The following CNBD2 variants were observed in gnomAD, a reference collection of about 807,000 sequenced individuals.
CNBD2 encodes the protein cyclic nucleotide binding domain containing 2.
A neutral mutation model predicts 63.7 loss-of-function variants in CNBD2; 64 were observed. The observed-to-expected ratio is 1.00, with a 90% CI of 0.82 to 1.24. The LOEUF is 1.24. Ranked by LOEUF, CNBD2 falls within the 50% of genes most tolerant of loss-of-function variation. The probability of loss-of-function intolerance (pLI) is 0.00; values close to 1 mark genes in which losing one functional copy is unlikely to be tolerated. For synonymous variants in CNBD2, 229 were observed against 255.4 expected (o/e 0.90, Z 0.99); for missense variants, 691 against 713.5 (o/e 0.97, Z 0.36).
chr20:36,016,340 CT>C (rs1361811119), intron 10 of CNBD2, among the ~76,000 whole-genome samples: 1 of 152,188 alleles, frequency 6.6e-6, no homozygotes, highest in Non-Finnish European at 1.5e-5. Context: ...ATCTAAGCAA[CT>C]CATTGACTTT....
At chr20:35,974,261 G>A (rs775843166) in intron 2 of CNBD2, 3 of 153,722 alleles carry the variant, frequency 2.0e-5, no homozygotes, top group African/African-American at 4.8e-5. Context: ...GATGAAAAAC[G>A]AATGGAGTAG....
chr20:36,023,503 A>T (rs1368238034), intron 10 of CNBD2, 99 bp from the exon 11 acceptor site: 7 of 1,151,602 alleles, frequency 6.1e-6, no homozygotes, highest in Non-Finnish European at 8.4e-6. Context: ...ACAACAGCGA[A>T]ACTCCGTCTC....
chr20:36,008,242 A>T, intron 8 of CNBD2, 55 bp from the exon 9 acceptor site: 1 of 1,438,058 alleles, frequency 7.0e-7, no homozygotes, highest in Non-Finnish European at 9.5e-7. Context: ...CTACCACCAT[A>T]ACCATCATAT....
In CNBD2 at chr20:36,028,166, T is replaced by C. The variant is rs150677200; in HGVS notation, c.1440-2191T>C. ...ACTCAAAAAAGGGTTTAAGGAGCCT[T>C]AGCTCCTTGCATATTGCCTGGCACA... On this transcript the variant is annotated intron_variant, in intron 11 of 11. Transcript: ENST00000373973. 2.6e-5 allele frequency among the ~76,000 whole-genome samples: 4 copies of C among 152,292 alleles called. No individual in the cohort carries two copies. The East Asian group carries it at 7.7e-4, about 29-fold the overall frequency.
chr20:35,998,091 G>GAGTGC (rs1469240611), intron 8 of CNBD2, among the ~76,000 whole-genome samples: 1 of 147,006 alleles, frequency 6.8e-6, no homozygotes, highest in Non-Finnish European at 1.5e-5. Context: ...ACCCAGGCTG[G>GAGTGC]AGTGCAGTGG....
At chr20:35,983,886 A>C in intron 4 of CNBD2, 96 bp from the exon 5 acceptor site, 1 of 1,431,388 alleles carries the variant, frequency 7.0e-7, no homozygotes, top group Non-Finnish European at 9.8e-7. Flanking sequence ...GTGCTCTTAT[A>C]TCCCAAAGCA....
intron 9 of CNBD2, among the ~76,000 whole-genome samples, chr20:36,009,660 C>T (rs1321450178): frequency 1.3e-5 from 2 of 151,860 alleles, no homozygotes; most frequent in African/African-American, 4.8e-5. Flanking sequence ...GGTGAAACCC[C>T]GTCTCTACTA....
At chr20:35,976,180 T>TC (rs762896208) in intron 3 of CNBD2, among the ~76,000 whole-genome samples, 178 bp downstream of exon 3, 10 of 152,190 alleles carry the variant, frequency 6.6e-5, no homozygotes, top group Non-Finnish European at 1.3e-4. Context: ...TCTCAGTGAT[T>TC]CCTTCCAGCC....
At chr20:35,973,774 C>A (rs1035239931) in intron 2 of CNBD2, 2 of 152,166 alleles carry the variant, frequency 1.3e-5, no homozygotes, top group Non-Finnish European at 2.9e-5. Flanking sequence ...AGTGGTAGAT[C>A]ATGTGCCCTT....
downstream of CNBD2, among the ~76,000 whole-genome samples, chr20:35,955,728 A>G (rs946280625): frequency 2.0e-5 from 3 of 152,174 alleles, no homozygotes; most frequent in Non-Finnish European, 4.4e-5. Context: ...GCCCTCGGCC[A>G]GGTGGTTTTC....
downstream of CNBD2, among the ~76,000 whole-genome samples, chr20:35,956,229 G>A (rs1316232347): frequency 6.6e-6 from 1 of 152,196 alleles, no homozygotes; most frequent in Non-Finnish European, 1.5e-5. Flanking sequence ...GGGTAGAAGT[G>A]GACCCTCATG....
At chr20:36,024,654 C>T (rs1261716381) in intron 11 of CNBD2, among the ~76,000 whole-genome samples, 1 of 148,824 alleles carries the variant, frequency 6.7e-6, no homozygotes, top group East Asian at 2.0e-4. Flanking sequence ...ATAGGCTGGA[C>T]GTGGTGGCTC....
intron 10 of CNBD2, among the ~76,000 whole-genome samples, chr20:36,014,580 C>T (rs1445392674): frequency 4.0e-5 from 6 of 151,648 alleles, no homozygotes; most frequent in Non-Finnish European, 8.8e-5. Flanking sequence ...CCACCCACCT[C>T]GGCCTACCAA....
intron 7 of CNBD2, among the ~76,000 whole-genome samples, chr20:35,988,909 T>C (rs1239218419): frequency 6.6e-6 from 1 of 152,246 alleles, no homozygotes; most frequent in African/African-American, 2.4e-5. Context: ...ACTAGTGAGA[T>C]TTATCATGTT....
chr20:35,958,550 A>G (rs536048503), downstream of CNBD2, among the ~76,000 whole-genome samples: 2 of 152,342 alleles, frequency 1.3e-5, no homozygotes, highest in Non-Finnish European at 2.9e-5. Flanking sequence ...AACATCTTGC[A>G]TAACTATAGT....
intron 8 of CNBD2, among the ~76,000 whole-genome samples, chr20:36,001,498 C>G (rs1272139977): frequency 7.0e-6 from 1 of 143,840 alleles, no homozygotes; most frequent in Non-Finnish European, 1.5e-5. Context: ...GGGGGGCTGA[C>G]CCCCCCACCT....
At chr20:36,030,232 A>G in intron 11 of CNBD2, 125 bp from the exon 12 acceptor site, 1 of 916,002 alleles carries the variant, frequency 1.1e-6, no homozygotes, top group Admixed American at 2.1e-5. Flanking sequence ...GTGCAGAAGG[A>G]GAGTCTGGGA....
chr20:36,010,644 T>C (rs774901093), intron 9 of CNBD2, among the ~76,000 whole-genome samples: 4 of 151,880 alleles, frequency 2.6e-5, no homozygotes, highest in Non-Finnish European at 4.4e-5. Context: ...GTGCCTGTAG[T>C]CCCTGCTACT....
chr20:35,993,867 CTTTTTT>C (rs58873487), intron 7 of CNBD2, among the ~76,000 whole-genome samples: 1 of 86,476 alleles, frequency 1.2e-5, no homozygotes, highest in Non-Finnish European at 2.2e-5. Context: ...TTCAGCTAAT[CTTTTTT>C]TTTTTTTTTT....
Sources: allele counts gnomAD v4.1 joint callset (sites outside exome capture counted in the v4.1 genomes callset), GRCh38; gene constraint gnomAD v4.1.1; transcripts MANE v1.5; gene names NCBI Gene and HGNC (gene_info 2026-07-23, HGNC 2026-07-21).